The following LRCH1 variants were observed in gnomAD, a reference collection of about 807,000 sequenced individuals.
LRCH1 encodes leucine-rich repeat and calponin homology domain-containing protein 1.
Under a neutral mutation model 94.9 loss-of-function variants are expected in LRCH1, and 23 were observed. The ratio of observed to expected loss-of-function variants is 0.24; its 90% CI spans 0.17 to 0.34. LRCH1 has a LOEUF of 0.34. Among genes scored for constraint, LRCH1 ranks in the 10% least tolerant of loss-of-function variants. The pLI is 1.00. For missense variants in LRCH1, 790 were observed against 945.9 expected (o/e 0.84, Z 2.16); for synonymous variants, 364 against 354.9 (o/e 1.03, Z -0.29).
intron 1 of LRCH1, among the ~76,000 whole-genome samples, chr13:46,616,351 A>C (rs1376766926): frequency 6.6e-6 from 1 of 152,188 alleles, no homozygotes; most frequent in African/African-American, 2.4e-5. Context: ...ATTTGCTATC[A>C]AAATAAGCTT....
intron 3 of LRCH1, among the ~76,000 whole-genome samples, chr13:46,671,510 G>A (rs2051600966): frequency 6.6e-6 from 1 of 152,148 alleles, no homozygotes; most frequent in Admixed American, 6.5e-5. Flanking sequence ...CAGGTGCTGG[G>A]CCTGAATGGG....
chr13:46,727,561 G>C (rs1220559477), intron 17 of LRCH1, among the ~76,000 whole-genome samples: 2 of 152,160 alleles, frequency 1.3e-5, no homozygotes, highest in African/African-American at 4.8e-5. Context: ...GGAGAGCAGT[G>C]GCGCAATCTC....
At chr13:46,574,872 T>A (rs1188817924) in intron 1 of LRCH1, among the ~76,000 whole-genome samples, 1 of 151,434 alleles carries the variant, frequency 6.6e-6, no homozygotes, top group Non-Finnish European at 1.5e-5. Flanking sequence ...TATTGCTTTT[T>A]CTTAATTTTT....
intron 18 of LRCH1, among the ~76,000 whole-genome samples, chr13:46,750,247 C>T (rs182137756): frequency 4.8e-4 from 73 of 152,286 alleles, no homozygotes; most frequent in Non-Finnish European, 6.5e-4. Flanking sequence ...CTGACTGACT[C>T]TGTAGCTCAG....
chr13:46,693,571 T>A (rs1343355754), intron 8 of LRCH1, among the ~76,000 whole-genome samples: 5 of 152,208 alleles, frequency 3.3e-5, no homozygotes, highest in Non-Finnish European at 5.9e-5. Context: ...TCAGGTGACC[T>A]TGATTCCCTC....
chr13:46,744,913 T>A (rs1873847665), downstream of LRCH1: 1 of 984,238 alleles, frequency 1.0e-6, no homozygotes, highest in Non-Finnish European at 1.2e-6. Flanking sequence ...GTGCCCTTTT[T>A]TTCTTCTTTA....
intron 2 of LRCH1, among the ~76,000 whole-genome samples, chr13:46,666,956 C>T (rs2051525149): frequency 1.3e-5 from 2 of 152,120 alleles, no homozygotes; most frequent in Non-Finnish European, 2.9e-5. Flanking sequence ...TCCCCAGAGA[C>T]CAGGAGAGAG....
intron 1 of LRCH1, among the ~76,000 whole-genome samples, chr13:46,592,734 GTC>G (rs762611534): frequency 1.1e-4 from 17 of 152,108 alleles, no homozygotes; most frequent in Admixed American, 7.2e-4. Context: ...CCTCTTCCCA[GTC>G]TCTGTTCTTT....
At position 46,604,107 on chromosome 13, in the gene LRCH1, C is replaced by A. The variant is rs372481348; in HGVS notation, c.308-46094C>A. ...TTGCCAGATGTAGCAAATAAAAATA[C>A]AAGACACCCAGTTAAATGTGAATTT... is the stretch of plus-strand genomic sequence containing the variant. On this transcript the variant is annotated intron_variant, in intron 1 of 19. Coordinates refer to ENST00000389797, the MANE Select transcript of LRCH1 (RefSeq NM_001164211.2). Among the ~76,000 whole-genome samples, 4 of 152,266 alleles carry A rather than the reference C, an allele frequency of 2.6e-5. No individual in the cohort carries two copies. The East Asian group carries it at 7.7e-4, about 29-fold the overall frequency.
At chr13:46,618,021 C>G (rs540540437) in intron 1 of LRCH1, among the ~76,000 whole-genome samples, 3 of 152,128 alleles carry the variant, frequency 2.0e-5, no homozygotes, top group Admixed American at 6.6e-5. Flanking sequence ...ACAAGCTATA[C>G]GGTCATGCAT....
At chr13:46,668,733 TGGC>T (rs2051555637) in intron 2 of LRCH1, among the ~76,000 whole-genome samples, 1 of 67,570 alleles carries the variant, frequency 1.5e-5, no homozygotes, top group East Asian at 3.5e-4. Flanking sequence ...GGTGGCGGGG[TGGC>T]GGGGTGGCGG....
intron 1 of LRCH1, among the ~76,000 whole-genome samples, chr13:46,568,968 A>G (rs1228261841): frequency 3.3e-5 from 5 of 152,224 alleles, no homozygotes; most frequent in Non-Finnish European, 7.3e-5. Context: ...CTGACTGACA[A>G]GCTGTTTTAA....
intron 1 of LRCH1, among the ~76,000 whole-genome samples, chr13:46,631,707 A>AT (rs535855283): frequency 1.8e-3 from 279 of 152,018 alleles, no homozygotes; most frequent in African/African-American, 6.3e-3. Context: ...ATTTTTAGTG[A>AT]TTTTTTTATT....
chr13:46,595,212 G>A (rs977453613), intron 1 of LRCH1, among the ~76,000 whole-genome samples: 1 of 151,988 alleles, frequency 6.6e-6, no homozygotes, highest in Non-Finnish European at 1.5e-5. Flanking sequence ...GAATGTAACC[G>A]CAGATTATGT....
chr13:46,683,359 G>A (rs1303646620), intron 4 of LRCH1, among the ~76,000 whole-genome samples: 4 of 152,196 alleles, frequency 2.6e-5, no homozygotes, highest in African/African-American at 9.7e-5. Flanking sequence ...TTTTAGAGAA[G>A]CAGAGTTAGA....
chr13:46,592,613 A>G (rs1439359912), intron 1 of LRCH1, among the ~76,000 whole-genome samples: 1 of 152,204 alleles, frequency 6.6e-6, no homozygotes, highest in Non-Finnish European at 1.5e-5. Context: ...TTAAATTGGT[A>G]AAATATGTGA....
At chr13:46,707,040 G>T (rs1044769557) in intron 13 of LRCH1, among the ~76,000 whole-genome samples, 1 of 152,126 alleles carries the variant, frequency 6.6e-6, no homozygotes, top group Non-Finnish European at 1.5e-5. Context: ...AATTCATGGT[G>T]ATAACATATT....
intron 18 of LRCH1, among the ~76,000 whole-genome samples, chr13:46,729,550 C>CA (rs61033499): frequency 5.6e-5 from 5 of 89,124 alleles, no homozygotes; most frequent in South Asian, 4.0e-4. Flanking sequence ...GACCCTGTCT[C>CA]AAAAAAAAAA....
chr13:46,691,368 A>G lies in LRCH1; in HGVS notation c.1015-1168A>G, dbSNP rs183271277. On this transcript the variant is annotated intron_variant, in intron 7 of 19. Coordinates refer to ENST00000389797, the MANE Select transcript of LRCH1 (RefSeq NM_001164211.2). ...CTTTCTTCCAAAAATCACACAGAGC[A>G]GTTCTTTTTAACTACTACAGTTGTT... is the stretch of plus-strand genomic sequence containing the variant. Among the ~76,000 whole-genome samples, 508 of 152,368 alleles carry G rather than the reference A, an allele frequency of 3.3e-3. 1 individual carries two copies. Among genetic ancestry groups the G allele is most frequent in the Non-Finnish European group, 4.2e-3 (288 of 68,034 alleles).
Sources: gnomAD v4.1 joint callset for allele counts (sites outside exome capture counted in the v4.1 genomes callset) on GRCh38, gnomAD v4.1.1 for gene constraint, MANE v1.5 for transcripts, NCBI Gene and HGNC (gene_info 2026-07-23, HGNC 2026-07-21) for gene names.